The following THAP4 variants were observed in gnomAD, a reference collection of about 807,000 sequenced individuals.
THAP4 encodes peroxynitrite isomerase THAP4.
In THAP4, 18 loss-of-function variants were observed where a neutral mutation model predicts 48.1. That is an observed-to-expected ratio of 0.37 (90% CI 0.26 to 0.56). The LOEUF (loss-of-function observed/expected upper bound fraction) is 0.56. Among genes scored for constraint, THAP4 ranks in the 20% least tolerant of loss-of-function variants. The pLI is 0.78. For synonymous variants in THAP4, 345 were observed against 324.9 expected, an observed-to-expected ratio of 1.06 and a Z score of -0.66; for missense variants, 656 against 774.9, an observed-to-expected ratio of 0.85 and a Z score of 1.82.
At chr2:241,603,299 C>T (rs1417344486) in intron 3 of THAP4, among the ~76,000 whole-genome samples, 1 of 151,684 alleles carries the variant, frequency 6.6e-6, no homozygotes, top group Non-Finnish European at 1.5e-5. Flanking sequence ...CGCCCACACA[C>T]CTGCCCGCCC....
intron 2 of THAP4, among the ~76,000 whole-genome samples, chr2:241,613,658 G>A (rs1216476643): frequency 1.3e-5 from 2 of 152,164 alleles, no homozygotes; most frequent in Non-Finnish European, 2.9e-5. Context: ...AGGAGGCTGA[G>A]GTGGGAGGAT....
At chr2:241,591,664 C>CCTCAT (rs1156490408) in intron 5 of THAP4, among the ~76,000 whole-genome samples, 1 of 152,014 alleles carries the variant, frequency 6.6e-6, no homozygotes, top group Non-Finnish European at 1.5e-5. Context: ...GGTAGCTGGC[C>CCTCAT]CTCATCTGAG....
chr2:241,633,729 C>T lies in THAP4; in HGVS notation c.428G>A (p.Arg143Lys). The T allele has an allele frequency of 6.2e-7, 1 of 1,611,644 alleles. No homozygotes were observed. The highest frequency in any genetic ancestry group is 8.5e-7 in the Non-Finnish European group (1 of 1,178,638). Residue 143 changes from arginine to lysine, a missense_variant, in exon 2 of 6, where the codon AGG (arginine) becomes AAG (lysine). Around this residue, in one of 4 missense-constraint regions of THAP4, gnomAD observed 391 missense variants for 412.4 expected, o/e 0.95. Transcript: ENST00000407315. This position sits in a 1 kb window ranked among gnomAD's most constrained non-coding sequence, Gnocchi z 7.5. The part of the protein sequence containing the change: ...GNPMAKPESR[R>K]LKQAALQGEA... ...ACCTTGCAGAGCAGCTTGCTTCAAC[C>T]TGCGGGACTCTGGCTTGGCCATCGG...
At chr2:241,593,518 G>T (rs891241412) in intron 5 of THAP4, among the ~76,000 whole-genome samples, 1 of 152,176 alleles carries the variant, frequency 6.6e-6, no homozygotes, top group Non-Finnish European at 1.5e-5. Flanking sequence ...CGACACAGCC[G>T]ACCCAGGAAG....
chr2:241,605,203 G>A (rs1034757062), intron 3 of THAP4, among the ~76,000 whole-genome samples: 2 of 152,052 alleles, frequency 1.3e-5, no homozygotes, highest in Admixed American at 6.6e-5. Context: ...AATATAAAAA[G>A]GTAGGAGATA....
rs1159154689 is a variant in THAP4 at position 241,601,209 on chromosome 2, C to T, written c.1614+687G>A. 1.3e-5 allele frequency among the ~76,000 whole-genome samples: 2 copies of T among 151,806 alleles called. No homozygotes were observed. The highest frequency in any genetic ancestry group is 2.9e-5 in the Non-Finnish European group (2 of 67,944). On this transcript the variant is annotated intron_variant, in intron 5 of 5. Coordinates refer to ENST00000407315, the MANE Select transcript of THAP4 (RefSeq NM_015963.6). This position sits in a 1 kb window ranked among gnomAD's most constrained non-coding sequence, Gnocchi z 4.0. ...AGGAGAATCGCTTGAACCTGAGAGG[C>T]GGTGGTTGCGATGAGCCGAGATCCC...
At chr2:241,607,789 C>T (rs1320003691) in intron 2 of THAP4, among the ~76,000 whole-genome samples, 3 of 101,656 alleles carry the variant, frequency 3.0e-5, no homozygotes, top group Non-Finnish European at 1.9e-5. Flanking sequence ...GGGACAGGAT[C>T]GGACTGATGC....
rs112824579 is a variant in THAP4, at chr2:241,610,995, C to A, written c.1241-4522G>T. 0.13 allele frequency among the ~76,000 whole-genome samples: 19,072 copies of A among 152,112 alleles called. 1,591 individuals are homozygous for A. The highest frequency in any genetic ancestry group is 0.19 in the Non-Finnish European group (13,148 of 67,954). On this transcript the variant is annotated intron_variant, in intron 2 of 5. Transcript: ENST00000407315. This position sits in a 1 kb window ranked among gnomAD's most constrained non-coding sequence, Gnocchi z 4.2. The stretch of plus-strand genomic sequence containing the variant: ...AAGTAACAATATTATCACCTTCCCT[C>A]CCAAGAATTAAAAAAAACAAAAATA...
At chr2:241,602,920 G>A (rs773243387) in intron 4 of THAP4, 50 bp downstream of exon 4, 2 of 1,412,372 alleles carry the variant, frequency 1.4e-6, no homozygotes, top group East Asian at 2.3e-5. Flanking sequence ...TTCGAATGCA[G>A]GCAGCAGCCT....
chr2:241,614,003 A>C (rs2067308906), intron 2 of THAP4, among the ~76,000 whole-genome samples: 1 of 151,954 alleles, frequency 6.6e-6, no homozygotes, highest in Non-Finnish European at 1.5e-5. Context: ...AATACAAAAA[A>C]ATTAGCCAGG....
intron 2 of THAP4, 25 bp downstream of exon 2, chr2:241,632,892 G>T: frequency 6.5e-7 from 1 of 1,532,092 alleles, no homozygotes; most frequent in South Asian, 1.3e-5. Context: ...AAGGGAACAT[G>T]GGTACGCGAG....
At chr2:241,630,591 C>T (rs1203014312) in intron 2 of THAP4, among the ~76,000 whole-genome samples, 1 of 152,086 alleles carries the variant, frequency 6.6e-6, no homozygotes, top group Non-Finnish European at 1.5e-5. Flanking sequence ...CCAGCCTGAC[C>T]AACATGGAGA....
Position 241,601,857 on chromosome 2 carries a change from C to T in THAP4, c.1614+39G>A, listed in dbSNP as rs750240653. ...GGCTGACTCCACAGACCGCTGCAAACAGAAGACAGGAGCGTGCTGGGAGCA... is the reference window on the plus strand; with the variant it reads ...GGCTGACTCCACAGACCGCTGCAAATAGAAGACAGGAGCGTGCTGGGAGCA... On this transcript the variant is annotated intron_variant, in intron 5 of 5. Transcript: ENST00000407315. The surrounding 1 kb of genome is among the most constrained non-coding windows in gnomAD (Gnocchi z 4.0). 1 of 1,611,948 alleles carries T rather than the reference C, an allele frequency of 6.2e-7. No individual in the cohort carries two copies. Among genetic ancestry groups the T allele is most frequent in the Non-Finnish European group, 8.5e-7 (1 of 1,179,318 alleles).
Position 241,612,789 on chromosome 2 carries a change from C to G in THAP4, c.1241-6316G>C. On this transcript the variant is annotated intron_variant, in intron 2 of 5. Transcript: ENST00000407315. The surrounding 1 kb of genome is among the most constrained non-coding windows in gnomAD (Gnocchi z 4.1). The stretch of plus-strand genomic sequence containing the variant: ...TGTGGCAGAAGACGCTAGAGTCACA[C>G]GTAGAAGGCGCATGAGGAGGGAAGG... Among the ~76,000 whole-genome samples, 1 of 152,236 alleles carries G rather than the reference C, an allele frequency of 6.6e-6. No individual in the cohort carries two copies. Among genetic ancestry groups the G allele is most frequent in the South Asian group, 2.1e-4 (1 of 4,804 alleles).
At chr2:241,602,749 CA>C (rs1019063695) in intron 4 of THAP4, among the ~76,000 whole-genome samples, 1 of 152,234 alleles carries the variant, frequency 6.6e-6, no homozygotes, top group Admixed American at 6.5e-5. Flanking sequence ...CCCTCATGGT[CA>C]GGGGGCTGCA....
intron 2 of THAP4, among the ~76,000 whole-genome samples, chr2:241,626,525 GA>G (rs975854548): frequency 7.0e-4 from 104 of 148,560 alleles, no homozygotes; most frequent in Non-Finnish European, 6.4e-4. Flanking sequence ...TCATAAGGAG[GA>G]AAAAAAACAC....
chr2:241,629,582 C>A (rs1274109921), intron 2 of THAP4, among the ~76,000 whole-genome samples: 1 of 151,806 alleles, frequency 6.6e-6, no homozygotes, highest in Non-Finnish European at 1.5e-5. Flanking sequence ...TCCCACTTAT[C>A]AGTAATCACA....
intron 2 of THAP4, among the ~76,000 whole-genome samples, chr2:241,613,829 G>A (rs1575030406): frequency 6.6e-6 from 1 of 151,954 alleles, no homozygotes; most frequent in African/African-American, 2.4e-5. Flanking sequence ...ACAGAACCAA[G>A]ACTAAAAATG....
At chr2:241,589,015 C>A (rs35249621) in intron 5 of THAP4, among the ~76,000 whole-genome samples, 22,831 of 152,054 alleles carry the variant, frequency 0.15, 1,886 homozygotes, top group Middle Eastern at 0.27. Flanking sequence ...AGGTCGAGAC[C>A]GGCCTGGCCA....
Sources: allele counts gnomAD v4.1 joint callset (sites outside exome capture counted in the v4.1 genomes callset), GRCh38; gene constraint gnomAD v4.1.1; regional missense constraint gnomAD v4.1.1; non-coding constraint Gnocchi (gnomAD v3.1); transcripts MANE v1.5; gene names NCBI Gene and HGNC (gene_info 2026-07-23, HGNC 2026-07-21).